Variants in LY86 observed in about 807,000 individuals in gnomAD.
LY86 encodes the protein MD-1, RP105-associated.
LY86 carries 20 observed loss-of-function variants against 17.3 expected under a neutral mutation model. The observed-to-expected ratio is 1.15, with a 90% CI of 0.81 to 1.68. The LOEUF is 1.68. Ranked by LOEUF, LY86 falls within the 40% of genes most tolerant of loss-of-function variation. The pLI is 0.00. For missense variants in LY86, 200 were observed against 191.9 expected, an observed-to-expected ratio of 1.04 and a Z score of -0.25; for synonymous variants, 74 against 70.6, an observed-to-expected ratio of 1.05 and a Z score of -0.24.
chr6:6,650,131 A>G (rs564457740), intron 4 of LY86, among the ~76,000 whole-genome samples: 118 of 152,304 alleles, frequency 7.7e-4, no homozygotes, highest in Middle Eastern at 3.4e-3. Context: ...AAGGTCCTCC[A>G]GTTACTGTCC....
intron 1 of LY86, among the ~76,000 whole-genome samples, chr6:6,614,486 C>T (rs1311913584): frequency 2.0e-5 from 3 of 152,018 alleles, no homozygotes; most frequent in African/African-American, 4.8e-5. Flanking sequence ...AGGACTCCTG[C>T]GCATACCAGG....
intron 1 of LY86, 148 bp from the exon 2 acceptor site, chr6:6,624,778 T>C (rs2113139982): frequency 3.6e-6 from 2 of 552,250 alleles, no homozygotes; most frequent in South Asian, 2.0e-5. Flanking sequence ...CTGATGAAAA[T>C]ATCATGGGCT....
At chr6:6,630,559 T>A (rs1761883291) in intron 3 of LY86, among the ~76,000 whole-genome samples, 1 of 152,234 alleles carries the variant, frequency 6.6e-6, no homozygotes, top group African/African-American at 2.4e-5. Context: ...TAAATTGAGC[T>A]TCATTGAATG....
At chr6:6,650,587 C>G (rs1322960091) in intron 4 of LY86, among the ~76,000 whole-genome samples, 2 of 152,160 alleles carry the variant, frequency 1.3e-5, no homozygotes, top group Non-Finnish European at 2.9e-5. Flanking sequence ...CCCGCCTCGG[C>G]CTCCCAAAGT....
intron 3 of LY86, among the ~76,000 whole-genome samples, chr6:6,634,896 A>G (rs982165358): frequency 6.6e-6 from 1 of 152,204 alleles, no homozygotes; most frequent in Non-Finnish European, 1.5e-5. Flanking sequence ...AAAAATCCAC[A>G]AATGCTTTCT....
At chr6:6,591,526 A>G (rs1760530513) in intron 1 of LY86, 1 of 153,774 alleles carries the variant, frequency 6.5e-6, no homozygotes, top group Non-Finnish European at 1.5e-5. Flanking sequence ...TTAAAGACTG[A>G]TGAAAATACT....
intron 1 of LY86, among the ~76,000 whole-genome samples, chr6:6,618,665 C>T (rs1002604683): frequency 3.3e-5 from 5 of 152,134 alleles, no homozygotes; most frequent in African/African-American, 1.2e-4. Context: ...TTTGAACACA[C>T]CGTTTACATA....
chr6:6,599,109 T>G (rs1425413064), intron 1 of LY86, among the ~76,000 whole-genome samples: 1 of 152,222 alleles, frequency 6.6e-6, no homozygotes, highest in Non-Finnish European at 1.5e-5. Context: ...TAGTTGTCTC[T>G]GATCTATCCA....
Position 6,625,353 on chromosome 6 carries a change from T to G in LY86, c.223+341T>G, listed in dbSNP as rs1002753425. Reference sequence around the variant, plus strand: ...CTCAGGATCTCCTAACTTTTTTAGTTATCTCAGCAACAAATAAATCTACTA... The same window carrying G: ...CTCAGGATCTCCTAACTTTTTTAGTGATCTCAGCAACAAATAAATCTACTA... On this transcript the variant is annotated intron_variant, in intron 2 of 4. Transcript: ENST00000230568. Among the ~76,000 whole-genome samples the G allele has an allele frequency of 2.6e-5, 4 of 152,370 alleles. No homozygotes were observed. In the East Asian group the frequency reaches 7.7e-4, roughly 29 times the overall value.
At chr6:6,630,262 C>T (rs370229074) in intron 3 of LY86, among the ~76,000 whole-genome samples, 7 of 152,174 alleles carry the variant, frequency 4.6e-5, no homozygotes, top group African/African-American at 1.7e-4. Flanking sequence ...TAATATCCAG[C>T]GATATTTGGA....
At chr6:6,593,677 G>A (rs1043057115) in intron 1 of LY86, among the ~76,000 whole-genome samples, 12 of 152,188 alleles carry the variant, frequency 7.9e-5, no homozygotes, top group African/African-American at 2.7e-4. Context: ...ACAAGGACAT[G>A]GCATTGTTTC....
intron 1 of LY86, among the ~76,000 whole-genome samples, chr6:6,611,927 C>T (rs1285860164): frequency 6.6e-6 from 1 of 152,224 alleles, no homozygotes; most frequent in South Asian, 2.1e-4. Flanking sequence ...GTTCTGCCAG[C>T]TGCTCTTAAC....
chr6:6,588,827 G>A lies in LY86; in HGVS notation c.93G>A (p.Val31=). ...GTGGGAAAGCCTGGCCCACACACGT[G>A]GTCTGTAGCGACAGCGGCTTGGAAG... ...GGGGKAWPTH[V]VCSDSGLEVL... The change falls in exon 1 of 5, where the codon GTG becomes GTA. Residue 31 remains valine (V), a synonymous_variant. Coordinates refer to ENST00000230568, the MANE Select transcript of LY86 (RefSeq NM_004271.4). 1.2e-6 allele frequency: 2 copies of A among 1,614,150 alleles called. No homozygotes were observed. The highest frequency in any genetic ancestry group is 1.1e-5 in the South Asian group (1 of 91,080).
At chr6:6,615,862 A>T (rs112847913) in intron 1 of LY86, among the ~76,000 whole-genome samples, 5,199 of 152,286 alleles carry the variant, frequency 0.034, 114 homozygotes, top group Middle Eastern at 0.075. Context: ...CCCTATCTCA[A>T]AAAATAATAA....
intron 1 of LY86, among the ~76,000 whole-genome samples, chr6:6,610,484 A>C (rs1374699555): frequency 1.3e-5 from 2 of 152,210 alleles, no homozygotes; most frequent in Non-Finnish European, 2.9e-5. Flanking sequence ...ACAGGAAGGA[A>C]GCATGAAGCT....
intron 1 of LY86, among the ~76,000 whole-genome samples, chr6:6,606,306 C>G (rs554398895): frequency 6.6e-6 from 1 of 152,294 alleles, no homozygotes; most frequent in Admixed American, 6.5e-5. Context: ...CATTCACAAA[C>G]CCTGAGCTAG....
At position 6,650,488 on chromosome 6, in the gene LY86, C is replaced by A. The variant is rs541196952; in HGVS notation, c.405+811C>A. On this transcript the variant is annotated intron_variant, in intron 4 of 4. Transcript: ENST00000230568. ...TAGCTTGGACTACAGGCACATGCCA[C>A]CACGCCCAGCTAATTTTTGGATTTT... 2.6e-4 allele frequency among the ~76,000 whole-genome samples: 40 copies of A among 152,232 alleles called. 2 individuals carry two copies. The highest frequency in any genetic ancestry group is 9.6e-4 in the African/African-American group (40 of 41,518).
At chr6:6,597,377 A>T (rs1760747535) in intron 1 of LY86, among the ~76,000 whole-genome samples, 1 of 152,180 alleles carries the variant, frequency 6.6e-6, no homozygotes, top group South Asian at 2.1e-4. Flanking sequence ...ACAGAACGGG[A>T]GCAGGGCTGA....
chr6:6,606,003 G>A (rs559738918), intron 1 of LY86, among the ~76,000 whole-genome samples: 8 of 152,122 alleles, frequency 5.3e-5, no homozygotes, highest in Admixed American at 3.3e-4. Flanking sequence ...ACTGCGAAAA[G>A]CAAAAGAACA....
Sources: gnomAD v4.1 joint callset for allele counts (sites outside exome capture counted in the v4.1 genomes callset) on GRCh38, gnomAD v4.1.1 for gene constraint, MANE v1.5 for transcripts, NCBI Gene and HGNC (gene_info 2026-07-23, HGNC 2026-07-21) for gene names.